The following GPR63 variants were observed in gnomAD, a reference collection of about 807,000 sequenced individuals.
The protein encoded by GPR63 is probable G protein-coupled receptor 63.
A neutral mutation model predicts 23.1 loss-of-function variants in GPR63; 12 were observed. The ratio of observed to expected loss-of-function variants is 0.52; its 90% CI spans 0.33 to 0.84. The LOEUF (loss-of-function observed/expected upper bound fraction) is 0.84. GPR63 is among the 40% of genes least tolerant of loss of function. GPR63 has a pLI of 0.02. For synonymous variants in GPR63, 172 were observed against 191.1 expected (o/e 0.90, Z 0.82); for missense variants, 472 against 515.6 (o/e 0.92, Z 0.82).
intron 1 of GPR63, among the ~76,000 whole-genome samples, chr6:96,806,645 T>C (rs1162605899): frequency 3.3e-5 from 5 of 152,120 alleles, no homozygotes; most frequent in Non-Finnish European, 7.4e-5. Flanking sequence ...CACATAAACT[T>C]GGTGTTGTCT....
At chr6:96,819,930 C>T (rs1247338270) in intron 1 of GPR63, among the ~76,000 whole-genome samples, 1 of 145,338 alleles carries the variant, frequency 6.9e-6, no homozygotes. Context: ...GAGCTGATAT[C>T]GCTCACTGCA....
Position 96,799,316 on chromosome 6 carries a change from A to G in GPR63, c.416T>C (p.Leu139Pro), listed in dbSNP as rs747423465. The part of the protein sequence containing the change: ...LLAVLNMPFA[L>P]VTILTTRWIF... ...CCATCGGGTAGTAAGAATAGTTACC[A>G]GGGCAAAGGGCATGTTCAGCACTGC... The change falls in exon 2 of 2, where the codon CTG (leucine) becomes CCG (proline). Residue 139 changes from leucine to proline, a missense_variant. By Grantham distance (98) the Leu-to-Pro change is moderately conservative. Transcript: ENST00000229955. The G allele has an allele frequency of 1.9e-6, 3 of 1,614,082 alleles. No homozygotes were observed. The Admixed American group carries it at 5.0e-5, about 27-fold the overall frequency.
intron 1 of GPR63, among the ~76,000 whole-genome samples, chr6:96,803,549 A>G (rs1773824242): frequency 1.3e-5 from 2 of 152,232 alleles, no homozygotes; most frequent in South Asian, 4.1e-4. Flanking sequence ...CAGTATCTGT[A>G]CAGTGGTCGT....
At position 96,807,991 on chromosome 6, in the gene GPR63, T is replaced by A. The variant is rs142276422; in HGVS notation, c.-150-8110A>T. 6.5e-4 allele frequency among the ~76,000 whole-genome samples: 99 copies of A among 152,342 alleles called. No homozygotes were observed. The East Asian group carries it at 0.017, about 27-fold the overall frequency. ...CTGGGAGTTAAACCCAGGAAGTGTG[T>A]TCTTAGCCACTACGCTATGCTGTAA... On this transcript the variant is annotated intron_variant, in intron 1 of 1. Coordinates refer to ENST00000229955, the MANE Select transcript of GPR63 (RefSeq NM_030784.4).
intron 1 of GPR63, among the ~76,000 whole-genome samples, chr6:96,832,646 G>A (rs117468621): frequency 0.025 from 3,838 of 152,122 alleles, 76 homozygotes; most frequent in Non-Finnish European, 0.034. Context: ...AGGGTGGAGG[G>A]TAGGAGTAGG....
intron 1 of GPR63, among the ~76,000 whole-genome samples, chr6:96,825,490 T>TA (rs997415526): frequency 1.3e-5 from 2 of 151,724 alleles, no homozygotes; most frequent in Non-Finnish European, 2.9e-5. Context: ...TCTACCTACT[T>TA]AAAAAAAATA....
chr6:96,834,611 G>T (rs1432743514), intron 1 of GPR63, among the ~76,000 whole-genome samples: 1 of 150,752 alleles, frequency 6.6e-6, no homozygotes, highest in Non-Finnish European at 1.5e-5. Flanking sequence ...AAGTAAAGGT[G>T]ATTTGCAGCA....
At position 96,801,478 on chromosome 6, in the gene GPR63, C is replaced by A. The variant is rs969085808; in HGVS notation, c.-150-1597G>T. ...CTTCCCAAAGTGTTGGGATTACAGG[C>A]GTGAGCCACTGCACCCAGCCTAGTC... On this transcript the variant is annotated intron_variant, in intron 1 of 1. Transcript: ENST00000229955. 2.0e-5 allele frequency among the ~76,000 whole-genome samples: 3 copies of A among 152,244 alleles called. No homozygotes were observed. The East Asian group carries it at 5.8e-4, about 29-fold the overall frequency.
chr6:96,829,767 A>C (rs1774532469), intron 1 of GPR63, among the ~76,000 whole-genome samples: 1 of 152,138 alleles, frequency 6.6e-6, no homozygotes, highest in African/African-American at 2.4e-5. Context: ...CGAGATTTAC[A>C]CTCTGAACAA....
At position 96,798,277 on chromosome 6, in the gene GPR63, G is replaced by A. The variant is rs2127939810; in HGVS notation, c.*195C>T. The A allele has an allele frequency of 1.7e-6, 1 of 582,774 alleles. No homozygotes were observed. The highest frequency in any genetic ancestry group is 2.8e-6 in the Non-Finnish European group (1 of 352,516). 36.1% of individuals were successfully genotyped at this position (582,774 alleles called of 1,614,324 possible). On this transcript the variant is annotated 3_prime_UTR_variant, in exon 2 of 2. Transcript: ENST00000229955. ...AATTGAGGATTTCTATTGAACCCTG[G>A]AGGTAATATTTGTAATCACTTTCCT...
intron 1 of GPR63, among the ~76,000 whole-genome samples, chr6:96,820,155 T>C (rs984128743): frequency 3.4e-4 from 51 of 152,088 alleles, no homozygotes; most frequent in Admixed American, 1.9e-3. Flanking sequence ...ATGTTAATAT[T>C]TGCTTTCAAT....
chr6:96,828,190 G>A (rs774360791), intron 1 of GPR63, among the ~76,000 whole-genome samples: 5 of 151,972 alleles, frequency 3.3e-5, no homozygotes, highest in African/African-American at 4.8e-5. Context: ...AGGTACTATC[G>A]GGATGCATTT....
intron 1 of GPR63, among the ~76,000 whole-genome samples, chr6:96,810,338 A>G (rs1296465896): frequency 1.3e-5 from 2 of 152,078 alleles, no homozygotes; most frequent in South Asian, 2.1e-4. Flanking sequence ...TCTATTAAAA[A>G]TACAAAAATT....
chr6:96,804,029 G>C (rs537722779), intron 1 of GPR63, among the ~76,000 whole-genome samples: 1 of 152,158 alleles, frequency 6.6e-6, no homozygotes, highest in South Asian at 2.1e-4. Context: ...TAAAACTCGC[G>C]TATGGTAGAA....
intron 1 of GPR63, among the ~76,000 whole-genome samples, chr6:96,819,844 C>T (rs1438980405): frequency 2.6e-5 from 4 of 151,108 alleles, no homozygotes; most frequent in Non-Finnish European, 4.4e-5. Context: ...GGCGTGGTGG[C>T]GGGCGCCTGT....
intron 1 of GPR63, among the ~76,000 whole-genome samples, chr6:96,830,398 T>TA (rs1774550635): frequency 6.6e-6 from 1 of 152,330 alleles, no homozygotes; most frequent in South Asian, 2.1e-4. Flanking sequence ...CCATGCCTGT[T>TA]ACATTCCACA....
intron 1 of GPR63, among the ~76,000 whole-genome samples, chr6:96,820,949 T>C (rs1264452243): frequency 6.6e-6 from 1 of 152,208 alleles, no homozygotes; most frequent in Non-Finnish European, 1.5e-5. Context: ...CAAATGATTT[T>C]GGCGTGTTCT....
intron 1 of GPR63, among the ~76,000 whole-genome samples, chr6:96,822,088 T>C (rs1774328695): frequency 6.6e-6 from 1 of 152,066 alleles, no homozygotes; most frequent in East Asian, 1.9e-4. Flanking sequence ...CCTCAGTCCT[T>C]TGGTCTTGCA....
Position 96,794,611 on chromosome 6 carries a change from T to G in GPR63, c.*3861A>C, listed in dbSNP as rs1773535889. On this transcript the variant is annotated 3_prime_UTR_variant, in exon 2 of 2. Transcript: ENST00000229955. The stretch of plus-strand genomic sequence containing the variant: ...TCTTTGTGGGCAACAGAAATACACA[T>G]ATTAAAAAGGTTATTTTTATTTTAC... The G allele has an allele frequency of 6.6e-6, 1 of 152,164 alleles. No homozygotes were observed. The highest frequency in any genetic ancestry group is 1.9e-4 in the East Asian group (1 of 5,200). 9.4% of individuals were successfully genotyped at this position (152,164 alleles called of 1,614,324 possible).
Sources: allele counts gnomAD v4.1 joint callset (sites outside exome capture counted in the v4.1 genomes callset), GRCh38; gene constraint gnomAD v4.1.1; transcripts MANE v1.5; gene names NCBI Gene and HGNC (gene_info 2026-07-23, HGNC 2026-07-21).